The following DCC variants were observed in gnomAD, a reference collection of about 807,000 sequenced individuals.
DCC encodes netrin receptor DCC.
DCC carries 58 observed loss-of-function variants against 172.5 expected under a neutral mutation model. The ratio of observed to expected loss-of-function variants is 0.34; its 90% CI spans 0.27 to 0.42. DCC has a LOEUF of 0.42. Among genes scored for constraint, DCC ranks in the 10% least tolerant of loss-of-function variants. The pLI is 1.00. For missense variants in DCC, 1,740 were observed against 1,791.0 expected (o/e 0.97, Z 0.51); for synonymous variants, 709 against 644.5 (o/e 1.10, Z -1.52).
intron 1 of DCC, among the ~76,000 whole-genome samples, chr18:52,740,004 C>T (rs751286286): frequency 4.6e-5 from 7 of 152,108 alleles, no homozygotes; most frequent in East Asian, 1.9e-4. Flanking sequence ...GAACAACCAA[C>T]GCCTGCATGC....
chr18:53,412,757 T>C (rs1490458199), intron 20 of DCC, among the ~76,000 whole-genome samples: 1 of 152,162 alleles, frequency 6.6e-6, no homozygotes, highest in African/African-American at 2.4e-5. Context: ...CATTTTATTC[T>C]AGAGGCTAGC....
chr18:52,554,557 A>G (rs2032858945), intron 1 of DCC, among the ~76,000 whole-genome samples: 1 of 152,172 alleles, frequency 6.6e-6, no homozygotes, highest in South Asian at 2.1e-4. Context: ...CAGAAACGTG[A>G]AAAATCAATG....
At chr18:52,445,929 T>C (rs1988105893) in intron 1 of DCC, among the ~76,000 whole-genome samples, 1 of 152,060 alleles carries the variant, frequency 6.6e-6, no homozygotes, top group South Asian at 2.1e-4. Context: ...TGTTTGTTTG[T>C]TTGTTGTTTG....
At chr18:53,212,679 C>G (rs201884217) in intron 11 of DCC, among the ~76,000 whole-genome samples, 5 of 54,356 alleles carry the variant, frequency 9.2e-5, no homozygotes, top group African/African-American at 2.6e-4. Flanking sequence ...TTTTTTTTTT[C>G]TTTTTTTTTG....
intron 1 of DCC, among the ~76,000 whole-genome samples, chr18:52,556,234 A>T (rs1367106812): frequency 6.6e-6 from 1 of 152,144 alleles, no homozygotes; most frequent in Non-Finnish European, 1.5e-5. Flanking sequence ...ACTTGTTCGT[A>T]ACTTATGAGT....
intron 1 of DCC, among the ~76,000 whole-genome samples, chr18:52,733,694 C>T (rs2036681264): frequency 6.6e-6 from 1 of 152,034 alleles, no homozygotes; most frequent in South Asian, 2.1e-4. Context: ...CATGTTCTCG[C>T]TATGTTACCT....
intron 1 of DCC, among the ~76,000 whole-genome samples, chr18:52,448,696 A>G (rs1224816162): frequency 6.6e-6 from 1 of 152,212 alleles, no homozygotes; most frequent in African/African-American, 2.4e-5. Flanking sequence ...TGGTAACAGT[A>G]GAATTGAGCA....
intron 2 of DCC, among the ~76,000 whole-genome samples, chr18:52,854,706 C>T (rs2039025194): frequency 6.6e-6 from 1 of 152,198 alleles, no homozygotes; most frequent in Admixed American, 6.5e-5. Flanking sequence ...TAAGCACTTG[C>T]TTGTACAGAA....
At position 53,467,930 on chromosome 18, in the gene DCC, C is replaced by T; in HGVS notation, c.3656C>T (p.Thr1219Ile). ...DTEEAGSSMS[T>I]LERSLAARRA... ...GAGGAAGCAGGGAGCTCTATGTCCA[C>T]TCTGGAGAGGTCGCTGGCTGCACGC... Residue 1219 changes from threonine (T) to isoleucine (I), a missense_variant, in exon 25 of 29, where the codon ACT becomes ATT. Thr to Ile is a moderately conservative substitution (Grantham distance 89). Transcript: ENST00000442544. 1 of 1,612,254 alleles carries T rather than the reference C, an allele frequency of 6.2e-7. No individual in the cohort carries two copies. Among genetic ancestry groups the T allele is most frequent in the Non-Finnish European group, 8.5e-7 (1 of 1,178,374 alleles).
intron 1 of DCC, among the ~76,000 whole-genome samples, chr18:52,387,913 G>A (rs954580065): frequency 1.3e-5 from 2 of 152,114 alleles, no homozygotes; most frequent in Non-Finnish European, 2.9e-5. Context: ...AAAAGTAAAT[G>A]TTTTCCTTTG....
intron 1 of DCC, among the ~76,000 whole-genome samples, chr18:52,364,555 T>C (rs1262123755): frequency 6.6e-6 from 1 of 152,240 alleles, no homozygotes; most frequent in East Asian, 1.9e-4. Flanking sequence ...CTAGATTCAT[T>C]TTCTGGTGAG....
At chr18:52,425,442 G>A (rs1308728987) in intron 1 of DCC, among the ~76,000 whole-genome samples, 1 of 152,086 alleles carries the variant, frequency 6.6e-6, no homozygotes, top group Non-Finnish European at 1.5e-5. Context: ...GGTGTCTGAG[G>A]TGATTTCAAG....
chr18:52,989,577 A>G (rs941325558), intron 5 of DCC, among the ~76,000 whole-genome samples: 11 of 152,200 alleles, frequency 7.2e-5, no homozygotes, highest in Admixed American at 2.0e-4. Flanking sequence ...GTCACTGAAC[A>G]TTGGAAATAA....
At chr18:52,852,724 G>A (rs74483559) in intron 2 of DCC, among the ~76,000 whole-genome samples, 4,063 of 152,158 alleles carry the variant, frequency 0.027, 163 homozygotes, top group African/African-American at 0.089. Context: ...ATGGGCATTT[G>A]TTGAACACTG....
chr18:53,335,860 C>T (rs988907344), intron 14 of DCC, among the ~76,000 whole-genome samples: 16 of 152,046 alleles, frequency 1.1e-4, no homozygotes, highest in African/African-American at 2.7e-4. Flanking sequence ...TCTCACATGG[C>T]GGCAGACAAG....
At chr18:52,985,105 C>T (rs1270442375) in intron 5 of DCC, among the ~76,000 whole-genome samples, 4 of 151,870 alleles carry the variant, frequency 2.6e-5, no homozygotes, top group Non-Finnish European at 4.4e-5. Flanking sequence ...GTTGATTGTT[C>T]GGCTCTACCA....
chr18:52,687,289 T>G (rs1426021084), intron 1 of DCC, among the ~76,000 whole-genome samples: 1 of 150,014 alleles, frequency 6.7e-6, no homozygotes, highest in African/African-American at 2.4e-5. Flanking sequence ...TTTCCTTTTT[T>G]TTTTTTTTTT....
At chr18:53,308,799 C>T (rs1045264514) in intron 13 of DCC, among the ~76,000 whole-genome samples, 10 of 152,290 alleles carry the variant, frequency 6.6e-5, no homozygotes, top group Non-Finnish European at 1.0e-4. Flanking sequence ...CCACGAATTT[C>T]GTAACTTGAA....
chr18:52,767,193 A>C (rs1209192529), intron 2 of DCC, among the ~76,000 whole-genome samples: 3 of 151,978 alleles, frequency 2.0e-5, no homozygotes, highest in Non-Finnish European at 4.4e-5. Flanking sequence ...CCTGAAGTAA[A>C]TAGGATCAAT....
Sources: allele counts gnomAD v4.1 joint callset (sites outside exome capture counted in the v4.1 genomes callset), GRCh38; gene constraint gnomAD v4.1.1; transcripts MANE v1.5; gene names NCBI Gene and HGNC (gene_info 2026-07-23, HGNC 2026-07-21).